The following MRPL34 variants were observed in gnomAD, a reference collection of about 807,000 sequenced individuals.
The protein encoded by MRPL34 is mitochondrial ribosomal protein L34, also known as large ribosomal subunit protein bL34m.
MRPL34 carries 8 observed loss-of-function variants against 6.7 expected under a neutral mutation model. The ratio of observed to expected loss-of-function variants is 1.20; its 90% confidence interval spans 0.70 to 2.16. The LOEUF (loss-of-function observed/expected upper bound fraction) is 2.16. MRPL34 is among the 30% of genes most tolerant of loss of function. The pLI is 0.00. For synonymous variants in MRPL34, 59 were observed against 55.1 expected (o/e 1.07, Z -0.31); for missense variants, 146 against 125.5 (o/e 1.16, Z -0.78).
In MRPL34 at chr19:17,306,223, G is replaced by A. The variant is rs751277407; in HGVS notation, c.123G>A (p.Pro41=). Residue 41 remains proline, a synonymous_variant, in exon 2 of 2, where the codon CCG becomes CCA. Coordinates refer to ENST00000252602, the MANE Select transcript of MRPL34 (RefSeq NM_023937.4). ...CAGACGCCTGGGGCCTCCCCACCCCGCAGCAGGCCCGGGGCAAGGCTCGCG... is the reference window on the plus strand; with the variant it reads ...CAGACGCCTGGGGCCTCCCCACCCCACAGCAGGCCCGGGGCAAGGCTCGCG... ...GFPDAWGLPT[P]QQARGKARGN... is the part of the protein sequence containing the mutation. The A allele has an allele frequency of 3.8e-6, 6 of 1,565,744 alleles. No individual in the cohort carries two copies. In the Admixed American group the frequency reaches 9.5e-5, roughly 25 times the overall value.
At chr19:17,294,158 C>T in intron 1 of MRPL34, 3 of 1,176,050 alleles carry the variant, frequency 2.6e-6, no homozygotes, top group Non-Finnish European at 3.5e-6. Context: ...CCACGCCCAC[C>T]CGGCAGCCAC....
chr19:17,306,587 CA>C lies in MRPL34; in HGVS notation c.*211del. 3.7e-6 allele frequency: 2 copies of C among 538,836 alleles called. No individual in the cohort carries two copies. Among genetic ancestry groups the C allele is most frequent in the Non-Finnish European group, 6.5e-6 (2 of 306,222 alleles). 33.4% of individuals were successfully genotyped at this position (538,836 alleles called of 1,614,324 possible). On this transcript the variant is annotated 3_prime_UTR_variant, in exon 2 of 2. Coordinates refer to ENST00000252602, the MANE Select transcript of MRPL34 (RefSeq NM_023937.4). ...AGCATTTCGAACCTGCGCAACAGACCAAAGAACAGTACAAAGAACATCCGTG... is the reference window on the plus strand; with the variant it reads ...AGCATTTCGAACCTGCGCAACAGACCAAGAACAGTACAAAGAACATCCGTG...
At chr19:17,298,398 C>T (rs2074102609), upstream of MRPL34, 1 of 152,100 alleles carries the variant, frequency 6.6e-6, no homozygotes, top group African/African-American at 2.4e-5. Flanking sequence ...GGTTGTATTA[C>T]CTGCCCTTTA....
intron 1 of MRPL34, chr19:17,296,192 G>A (rs968958008): frequency 6.6e-6 from 1 of 151,728 alleles, no homozygotes; most frequent in Non-Finnish European, 1.5e-5. Flanking sequence ...TCTGGATCCA[G>A]AAGTTTCACC....
intron 1 of MRPL34, among the ~76,000 whole-genome samples, chr19:17,293,951 G>A (rs938616340): frequency 2.0e-5 from 3 of 152,112 alleles, no homozygotes; most frequent in Admixed American, 6.5e-5. Flanking sequence ...ATCCCCTGGT[G>A]CCGGTCTTCT....
upstream of MRPL34, among the ~76,000 whole-genome samples, chr19:17,305,216 T>C (rs1345202193): frequency 6.7e-6 from 1 of 150,078 alleles, no homozygotes; most frequent in East Asian, 1.9e-4. Context: ...GGGGTTCAGA[T>C]CTGAGTATCA....
chr19:17,292,698 G>A (rs750662437), exon 1 of MRPL34: 11 of 1,612,562 alleles, frequency 6.8e-6, no homozygotes, highest in African/African-American at 1.3e-5. Flanking sequence ...CAGTGGCTCC[G>A]GTAGAGCCTT....
At chr19:17,294,169 G>T (rs2074082882) in intron 1 of MRPL34, 1 of 1,275,202 alleles carries the variant, frequency 7.8e-7, no homozygotes, top group Non-Finnish European at 1.1e-6. Context: ...CGGCAGCCAC[G>T]CCCCCTCGGG....
upstream of MRPL34, among the ~76,000 whole-genome samples, chr19:17,298,865 C>G (rs943159847): frequency 6.6e-6 from 1 of 151,630 alleles, no homozygotes; most frequent in South Asian, 2.1e-4. Context: ...CTCACACCCC[C>G]GAGTAGCTGG....
chr19:17,293,993 T>G (rs2074082116), intron 1 of MRPL34, among the ~76,000 whole-genome samples: 1 of 152,088 alleles, frequency 6.6e-6, no homozygotes, highest in Non-Finnish European at 1.5e-5. Context: ...CTCATACAAA[T>G]CCTCCGCTGT....
intron 1 of MRPL34, among the ~76,000 whole-genome samples, chr19:17,297,063 A>G (rs1222121529): frequency 6.6e-6 from 1 of 152,190 alleles, no homozygotes; most frequent in South Asian, 2.1e-4. Flanking sequence ...CAAACCTAAA[A>G]TATTCGCTAT....
chr19:17,292,718 C>T (rs1378437202), exon 1 of MRPL34: 4 of 1,613,614 alleles, frequency 2.5e-6, no homozygotes, highest in Non-Finnish European at 3.4e-6. Context: ...TGGGCGAGGG[C>T]TCGGGCTCCC....
At chr19:17,302,586 C>T (rs1295325245), upstream of MRPL34, among the ~76,000 whole-genome samples, 1 of 152,140 alleles carries the variant, frequency 6.6e-6, no homozygotes, top group Non-Finnish European at 1.5e-5. Context: ...TCCCCTAGAC[C>T]GGGGTGAGCC....
upstream of MRPL34, chr19:17,305,583 A>C: frequency 2.7e-6 from 1 of 376,802 alleles, no homozygotes; most frequent in Non-Finnish European, 5.0e-6. Context: ...GCCGGTCAAT[A>C]GGAGAGAGAA....
chr19:17,301,808 G>T (rs369872689), upstream of MRPL34, among the ~76,000 whole-genome samples: 8 of 142,496 alleles, frequency 5.6e-5, no homozygotes, highest in African/African-American at 1.8e-4. Flanking sequence ...GTGTGTGTGT[G>T]TTTTTGAGAC....
At chr19:17,300,828 C>T (rs748768481), upstream of MRPL34, 32 of 1,560,522 alleles carry the variant, frequency 2.1e-5, 1 homozygote, top group Non-Finnish European at 2.7e-5. Flanking sequence ...ATCCCTCACC[C>T]CCACCCCACA....
chr19:17,294,350 G>A, intron 1 of MRPL34: 1 of 1,613,354 alleles, frequency 6.2e-7, no homozygotes, highest in Non-Finnish European at 8.5e-7. Context: ...TGGACAAGCA[G>A]GACGGGCACG....
In MRPL34 at chr19:17,297,474, T is replaced by C. The variant is rs544835936; in HGVS notation, c.214+4620T>C. On this transcript the variant is annotated intron_variant, in intron 1 of 2. Transcript: ENST00000595444. ...CCATACCCAGCTACTTTTTGTATTT[T>C]TATTAGAGACGGGGTTTCACCATTT... 6.6e-5 allele frequency among the ~76,000 whole-genome samples: 10 copies of C among 152,160 alleles called. No individual in the cohort carries two copies. In the South Asian group the frequency reaches 2.1e-3, roughly 32 times the overall value.
chr19:17,294,136 A>G (rs893646527), intron 1 of MRPL34: 16 of 890,948 alleles, frequency 1.8e-5, no homozygotes, highest in Admixed American at 1.1e-4. Flanking sequence ...AACAAGATAC[A>G]GCAACTAGAG....
Sources: allele counts gnomAD v4.1 joint callset (sites outside exome capture counted in the v4.1 genomes callset), GRCh38; gene constraint gnomAD v4.1.1; transcripts MANE v1.5; gene names NCBI Gene and HGNC (gene_info 2026-07-23, HGNC 2026-07-21).